The following VIT variants were observed in gnomAD, a reference collection of about 807,000 sequenced individuals.
VIT encodes vitrin.
In VIT, 99 loss-of-function variants were observed where a neutral mutation model predicts 78.0. The observed-to-expected ratio is 1.27, with a 90% CI of 1.08 to 1.50. VIT has a LOEUF of 1.50. Ranked by LOEUF, VIT falls within the 40% of genes most tolerant of loss-of-function variation. The pLI, the probability that VIT is intolerant of heterozygous loss-of-function variation, is 0.00. For missense variants in VIT, 1,126 were observed against 875.3 expected, an observed-to-expected ratio of 1.29 and a Z score of -3.61; for synonymous variants, 374 against 334.3, an observed-to-expected ratio of 1.12 and a Z score of -1.29.
chr2:36,700,594 T>A (rs964779660), intron 1 of VIT, among the ~76,000 whole-genome samples: 17 of 151,996 alleles, frequency 1.1e-4, no homozygotes, highest in African/African-American at 4.1e-4. Flanking sequence ...ATTAAAAAAT[T>A]AGCCAGGCAT....
Position 36,716,869 on chromosome 2 carries a change from C to CTTT in VIT, c.52+470_52+472dup, listed in dbSNP as rs557873230. On this transcript the variant is annotated intron_variant, in intron 2 of 15. Transcript: ENST00000379242. ...GCAACTCACGCTTTTAGAGATGATT[C>CTTT]TTTTTTTTTTTTTTTTTTTTTTTTT... Among the ~76,000 whole-genome samples, 275 of 78,676 alleles carry CTTT rather than the reference C, an allele frequency of 3.5e-3. 5 individuals are homozygous for CTTT. The highest frequency in any genetic ancestry group is 4.5e-3 in the East Asian group (11 of 2,454). 51.6% of individuals were successfully genotyped at this position (78,676 alleles called of 152,430 possible).
At chr2:36,793,164 G>C (rs1665626012) in intron 12 of VIT, among the ~76,000 whole-genome samples, 1 of 152,108 alleles carries the variant, frequency 6.6e-6, no homozygotes, top group Non-Finnish European at 1.5e-5. Flanking sequence ...AGCAGCTGGT[G>C]AGCCAGTTTG....
intron 12 of VIT, among the ~76,000 whole-genome samples, chr2:36,788,427 G>A (rs537166365): frequency 6.8e-4 from 103 of 152,196 alleles, no homozygotes; most frequent in African/African-American, 2.4e-3. Context: ...ATTTAATTCC[G>A]ATAACACATT....
In VIT at chr2:36,789,704, A is replaced by C. The variant is rs147083669; in HGVS notation, c.1058+2428A>C. Among the ~76,000 whole-genome samples, 672 of 152,322 alleles carry C rather than the reference A, an allele frequency of 4.4e-3. 9 individuals are homozygous for C. The highest frequency in any genetic ancestry group is 0.016 in the African/African-American group (653 of 41,574). Reference sequence around the variant, plus strand: ...CATCCTGGTGATTTGGGTTCTCACCAGATTCTAACGCCCTCTTTGCTCCCC... The same window carrying C: ...CATCCTGGTGATTTGGGTTCTCACCCGATTCTAACGCCCTCTTTGCTCCCC... On this transcript the variant is annotated intron_variant, in intron 12 of 15. Coordinates refer to ENST00000379242, the MANE Select transcript of VIT (RefSeq NM_053276.4).
At chr2:36,729,363 C>A (rs1667053205) in intron 2 of VIT, 63 bp from the exon 3 acceptor site, 2 of 1,441,374 alleles carry the variant, frequency 1.4e-6, no homozygotes, top group Non-Finnish European at 1.9e-6. Flanking sequence ...AAGTATGAGT[C>A]AAAAGAGAAA....
At chr2:36,722,405 T>C (rs1666571441) in intron 2 of VIT, among the ~76,000 whole-genome samples, 2 of 152,212 alleles carry the variant, frequency 1.3e-5, no homozygotes, top group Non-Finnish European at 2.9e-5. Flanking sequence ...AAGCTCCTCC[T>C]AGCTTTAAAT....
Sources: allele counts gnomAD v4.1 joint callset (sites outside exome capture counted in the v4.1 genomes callset), GRCh38; gene constraint gnomAD v4.1.1; transcripts MANE v1.5; gene names NCBI Gene and HGNC (gene_info 2026-07-23, HGNC 2026-07-21).